The following RARB variants were observed in gnomAD, a reference collection of about 807,000 sequenced individuals.
RARB encodes the protein HBV-activated protein.
A neutral mutation model predicts 51.9 loss-of-function variants in RARB; 17 were observed. That is an observed-to-expected ratio of 0.33 (90% CI 0.22 to 0.49). RARB has a LOEUF of 0.49. Ranked by LOEUF, RARB falls within the 20% of genes least tolerant of loss-of-function variation. The pLI is 0.99. For synonymous variants in RARB, 215 were observed against 195.4 expected (o/e 1.10, Z -0.84); for missense variants, 369 against 550.8 (o/e 0.67, Z 3.30).
chr3:25,016,309 C>G (rs544884959), intron 2 of RARB, among the ~76,000 whole-genome samples: 17 of 152,286 alleles, frequency 1.1e-4, no homozygotes, highest in Non-Finnish European at 2.5e-4. Context: ...TTGTGTTTCT[C>G]AACTTTGCCA....
At chr3:25,102,393 T>C (rs985461760) in intron 3 of RARB, among the ~76,000 whole-genome samples, 2 of 151,170 alleles carry the variant, frequency 1.3e-5, no homozygotes, top group Non-Finnish European at 2.9e-5. Flanking sequence ...ATACAAAAAT[T>C]AGTCAGGCAT....
intron 4 of RARB, among the ~76,000 whole-genome samples, chr3:25,142,301 T>C (rs1700119540): frequency 6.6e-6 from 1 of 152,166 alleles, no homozygotes; most frequent in African/African-American, 2.4e-5. Context: ...GCCACTGCAC[T>C]TCAGCCTGAG....
At chr3:24,871,047 CTATCTT>C (rs1051010646) in intron 2 of RARB, among the ~76,000 whole-genome samples, 2 of 151,960 alleles carry the variant, frequency 1.3e-5, no homozygotes, top group African/African-American at 4.8e-5. Flanking sequence ...TCATTCTACT[CTATCTT>C]TATGAGTTCA....
intron 2 of RARB, among the ~76,000 whole-genome samples, chr3:24,933,192 C>G (rs1044981924): frequency 2.0e-5 from 3 of 151,964 alleles, no homozygotes; most frequent in African/African-American, 7.2e-5. Flanking sequence ...TAAAAACATT[C>G]TTTCAAATAA....
intron 2 of RARB, among the ~76,000 whole-genome samples, chr3:25,471,201 T>G (rs1695672112): frequency 6.6e-6 from 1 of 152,220 alleles, no homozygotes. Context: ...AGCTCATTTC[T>G]TAGTAATTTC....
At chr3:25,312,142 T>G (rs759905164) in intron 5 of RARB, among the ~76,000 whole-genome samples, 5 of 152,166 alleles carry the variant, frequency 3.3e-5, no homozygotes, top group Non-Finnish European at 7.4e-5. Context: ...CCAAGGATGA[T>G]GGGGGTAGAA....
At chr3:25,328,899 C>T (rs1290494038) in intron 5 of RARB, among the ~76,000 whole-genome samples, 3 of 152,158 alleles carry the variant, frequency 2.0e-5, no homozygotes, top group Non-Finnish European at 4.4e-5. Context: ...CTCGGAGGGT[C>T]CCACACCCAC....
intron 3 of RARB, among the ~76,000 whole-genome samples, chr3:25,120,957 T>C (rs1220059217): frequency 6.6e-5 from 10 of 152,148 alleles, no homozygotes; most frequent in Non-Finnish European, 8.8e-5. Context: ...ACAGAGCCTA[T>C]TTATTATCAG....
chr3:24,836,546 A>C (rs958086348), intron 1 of RARB, among the ~76,000 whole-genome samples: 4 of 152,296 alleles, frequency 2.6e-5, no homozygotes, highest in Non-Finnish European at 1.5e-5. Flanking sequence ...TTGTGTCAGC[A>C]TCCTCCAAAT....
chr3:25,356,622 A>G (rs55702004), intron 5 of RARB, among the ~76,000 whole-genome samples: 25,913 of 151,948 alleles, frequency 0.17, 2,861 homozygotes, highest in Admixed American at 0.3. Context: ...CCATCAACCC[A>G]TCATCTACAT....
chr3:24,917,127 A>G (rs1482508939), intron 2 of RARB, among the ~76,000 whole-genome samples: 1 of 152,186 alleles, frequency 6.6e-6, no homozygotes, highest in African/African-American at 2.4e-5. Context: ...GTCTTGGGGT[A>G]TGAATTATTT....
intron 1 of RARB, among the ~76,000 whole-genome samples, chr3:25,436,221 C>G (rs1708431144): frequency 6.6e-6 from 1 of 152,132 alleles, no homozygotes; most frequent in Admixed American, 6.5e-5. Flanking sequence ...ATTCAGAGAG[C>G]TTTTTTTCCA....
At chr3:24,882,097 A>G (rs1306390037) in intron 2 of RARB, among the ~76,000 whole-genome samples, 1 of 152,216 alleles carries the variant, frequency 6.6e-6, no homozygotes, top group African/African-American at 2.4e-5. Flanking sequence ...AATAATGTCT[A>G]TAGGAGGCTG....
intron 1 of RARB, among the ~76,000 whole-genome samples, chr3:25,444,161 C>T (rs1302969949): frequency 1.3e-5 from 2 of 152,134 alleles, no homozygotes; most frequent in African/African-American, 4.8e-5. Flanking sequence ...GAGAAAGGCC[C>T]TGTTATCCCC....
At chr3:25,283,648 A>T (rs562560381) in intron 5 of RARB, among the ~76,000 whole-genome samples, 11 of 152,334 alleles carry the variant, frequency 7.2e-5, no homozygotes, top group Middle Eastern at 3.4e-3. Flanking sequence ...CACCTTGTGA[A>T]GAAACAGAGA....
chr3:25,085,839 C>T (rs1034380746), intron 3 of RARB, among the ~76,000 whole-genome samples: 1 of 152,094 alleles, frequency 6.6e-6, no homozygotes, highest in African/African-American at 2.4e-5. Context: ...AATTCCTTTG[C>T]ACTATTATTG....
chr3:25,402,768 A>G (rs951088278), intron 5 of RARB, among the ~76,000 whole-genome samples: 5 of 152,104 alleles, frequency 3.3e-5, no homozygotes, highest in Non-Finnish European at 4.4e-5. Flanking sequence ...AATTGAACTC[A>G]TGGCCATAGA....
At chr3:24,880,648 G>A (rs960228958) in intron 2 of RARB, among the ~76,000 whole-genome samples, 2 of 151,846 alleles carry the variant, frequency 1.3e-5, no homozygotes, top group African/African-American at 2.4e-5. Flanking sequence ...CCTATATATG[G>A]GTACAAGTAA....
intron 5 of RARB, among the ~76,000 whole-genome samples, chr3:25,292,399 C>T (rs1703810859): frequency 6.6e-6 from 1 of 152,140 alleles, no homozygotes; most frequent in African/African-American, 2.4e-5. Context: ...TGGGCAGGGA[C>T]ATGTCACTAA....
Sources: allele counts gnomAD v4.1 joint callset (sites outside exome capture counted in the v4.1 genomes callset), GRCh38; gene constraint gnomAD v4.1.1; transcripts MANE v1.5; gene names NCBI Gene and HGNC (gene_info 2026-07-23, HGNC 2026-07-21).